UNC5D: variants seen among roughly 807,000 people sequenced by gnomAD.
UNC5D encodes netrin receptor UNC5D.
In UNC5D, 39 loss-of-function variants were observed where a neutral mutation model predicts 105.4. The ratio of observed to expected loss-of-function variants is 0.37; its 90% confidence interval spans 0.29 to 0.48. The LOEUF (loss-of-function observed/expected upper bound fraction) is 0.48, where lower values mean the gene tolerates loss of function less well. Among genes scored for constraint, UNC5D ranks in the 20% least tolerant of loss-of-function variants. The pLI, the probability that UNC5D is intolerant of heterozygous loss-of-function variation, is 0.98. For missense variants in UNC5D, 991 were observed against 1,202.4 expected (o/e 0.82, Z 2.60); for synonymous variants, 452 against 450.4 (o/e 1.00, Z -0.04).
In UNC5D at chr8:35,435,069, G is replaced by A. The variant is rs77028597; in HGVS notation, c.104-114223G>A. ...ATCTTAAACTTGGAAAGACTGTGGA[G>A]TATGGTTTTTTCTGAAGAGGGTTCA... On this transcript the variant is annotated intron_variant, in intron 1 of 16. Transcript: ENST00000404895. Among the ~76,000 whole-genome samples, 1,219 of 152,148 alleles carry A rather than the reference G, an allele frequency of 8.0e-3. 22 individuals are homozygous for A. Among genetic ancestry groups the A allele is most frequent in the African/African-American group, 0.029 (1,190 of 41,542 alleles).
chr8:35,662,548 C>G (rs1021377591), intron 4 of UNC5D, among the ~76,000 whole-genome samples: 1 of 152,102 alleles, frequency 6.6e-6, no homozygotes, highest in Non-Finnish European at 1.5e-5. Context: ...TCGTACAGTT[C>G]CAGGATCATG....
rs34528421 is a variant in UNC5D, at chr8:35,572,804, C to CTT, written c.466+4579_466+4580dup. On this transcript the variant is annotated intron_variant, in intron 3 of 16. Transcript: ENST00000404895. ...GTATGAGGCCTGCAATTTTATATTT[C>CTT]TTTTTTTTTTTTTTTTTGAGATGGA... is the stretch of plus-strand genomic sequence containing the variant. Among the ~76,000 whole-genome samples the CTT allele has an allele frequency of 9.7e-3, 1,319 of 135,834 alleles. 31 individuals are homozygous for CTT. The highest frequency in any genetic ancestry group is 0.032 in the African/African-American group (1,163 of 36,670). 89.1% of individuals were successfully genotyped at this position (135,834 alleles called of 152,430 possible).
chr8:35,609,120 G>T (rs1421571431), intron 4 of UNC5D, among the ~76,000 whole-genome samples: 1 of 152,000 alleles, frequency 6.6e-6, no homozygotes, highest in Non-Finnish European at 1.5e-5. Context: ...TAACACTGTG[G>T]TATTTCATAG....
chr8:35,399,519 AT>A (rs1209165418), intron 1 of UNC5D, among the ~76,000 whole-genome samples: 1 of 152,068 alleles, frequency 6.6e-6, no homozygotes, highest in East Asian at 1.9e-4. Flanking sequence ...CAAGCCACGT[AT>A]TTTCTGCTAT....
chr8:35,417,876 G>A lies in UNC5D; in HGVS notation c.104-131416G>A, dbSNP rs559712474. On this transcript the variant is annotated intron_variant, in intron 1 of 16. Transcript: ENST00000404895. ...TTATGCCAGATACACATATGTAACA[G>A]TATTAAAAGCACAGTATTTGTGTCA... 7.2e-5 allele frequency among the ~76,000 whole-genome samples: 11 copies of A among 152,212 alleles called. No homozygotes were observed. The South Asian group carries it at 1.7e-3, about 23-fold the overall frequency.
intron 1 of UNC5D, among the ~76,000 whole-genome samples, chr8:35,488,485 G>A (rs951772088): frequency 3.0e-4 from 46 of 152,290 alleles, no homozygotes; most frequent in Admixed American, 2.7e-3. Flanking sequence ...CTCCTTCTGG[G>A]CTTTAGCAGT....
At chr8:35,766,672 G>A (rs1801782359) in intron 14 of UNC5D, among the ~76,000 whole-genome samples, 1 of 152,204 alleles carries the variant, frequency 6.6e-6, no homozygotes, top group Non-Finnish European at 1.5e-5. Context: ...GAATTCAAAT[G>A]TTATCAGTTG....
chr8:35,562,242 C>T (rs541534801), intron 2 of UNC5D, among the ~76,000 whole-genome samples: 17 of 152,038 alleles, frequency 1.1e-4, no homozygotes, highest in African/African-American at 2.2e-4. Context: ...TGATATATAC[C>T]GCATTTTCTT....
chr8:35,440,693 A>G (rs2128983438), intron 1 of UNC5D, among the ~76,000 whole-genome samples: 1 of 152,080 alleles, frequency 6.6e-6, no homozygotes, highest in South Asian at 2.1e-4. Context: ...AGACATGAAT[A>G]TTAATACATA....
chr8:35,681,443 C>T (rs1825657709), intron 4 of UNC5D, among the ~76,000 whole-genome samples: 2 of 152,184 alleles, frequency 1.3e-5, no homozygotes, highest in South Asian at 4.1e-4. Flanking sequence ...CTCTGATACT[C>T]AACAGATGTT....
In UNC5D at chr8:35,619,872, T is replaced by C. The variant is rs368214936; in HGVS notation, c.570+24215T>C. ...GCTCTTTTGTTCTTTCTACTGCACCTGTTGCACGGAGATTATGAGAGACAG... is the reference window on the plus strand; with the variant it reads ...GCTCTTTTGTTCTTTCTACTGCACCCGTTGCACGGAGATTATGAGAGACAG... On this transcript the variant is annotated intron_variant, in intron 4 of 16. Transcript: ENST00000404895. Among the ~76,000 whole-genome samples the C allele has an allele frequency of 1.2e-4, 19 of 152,328 alleles. No homozygotes were observed. The East Asian group carries it at 1.9e-3, about 15-fold the overall frequency.
In UNC5D at chr8:35,595,179, A is replaced by C. The variant is rs1421261328; in HGVS notation, c.467-375A>C. ...CAGTTAATAGAAAAAAATCATGTGCATCTCAACTGCATAATAGCTGTGGAT... is the reference window on the plus strand; with the variant it reads ...CAGTTAATAGAAAAAAATCATGTGCCTCTCAACTGCATAATAGCTGTGGAT... On this transcript the variant is annotated intron_variant, in intron 3 of 16. Coordinates refer to ENST00000404895, the MANE Select transcript of UNC5D (RefSeq NM_080872.4). Among the ~76,000 whole-genome samples the C allele has an allele frequency of 7.2e-5, 11 of 152,346 alleles. No individual in the cohort carries two copies. In the South Asian group the frequency reaches 1.2e-3, roughly 17 times the overall value.
intron 1 of UNC5D, among the ~76,000 whole-genome samples, chr8:35,458,426 AT>A (rs1210534227): frequency 6.6e-6 from 1 of 152,082 alleles, no homozygotes; most frequent in Non-Finnish European, 1.5e-5. Context: ...TAGTGCTCCC[AT>A]TTCCTGAGGC....
chr8:35,296,439 G>A (rs1314866301), intron 1 of UNC5D, among the ~76,000 whole-genome samples: 1 of 151,888 alleles, frequency 6.6e-6, no homozygotes, highest in Non-Finnish European at 1.5e-5. Flanking sequence ...TTTTTGTTGA[G>A]ATGGAGTTTT....
intron 2 of UNC5D, among the ~76,000 whole-genome samples, chr8:35,558,388 C>A (rs1478910424): frequency 6.6e-6 from 1 of 151,832 alleles, no homozygotes; most frequent in Non-Finnish European, 1.5e-5. Flanking sequence ...GATAAAAGAC[C>A]AAAATGCCTG....
At chr8:35,684,285 C>G (rs1313329516) in intron 5 of UNC5D, among the ~76,000 whole-genome samples, 1 of 152,142 alleles carries the variant, frequency 6.6e-6, no homozygotes, top group Non-Finnish European at 1.5e-5. Context: ...CTGATATTTT[C>G]TTCTTATACT....
At chr8:35,351,218 C>CT (rs1017233769) in intron 1 of UNC5D, among the ~76,000 whole-genome samples, 2 of 151,886 alleles carry the variant, frequency 1.3e-5, no homozygotes, top group East Asian at 1.9e-4. Context: ...TTGAGACTCA[C>CT]TTTTTTTTCC....
chr8:35,315,435 G>GCTGGGGCAGTGGAGATGA (rs1809222630), intron 1 of UNC5D, among the ~76,000 whole-genome samples: 1 of 152,054 alleles, frequency 6.6e-6, no homozygotes, highest in Non-Finnish European at 1.5e-5. Flanking sequence ...AGTGCAGATG[G>GCTGGGGCAGTGGAGATGA]CTGGGGCAGT....
chr8:35,760,742 T>C (rs1563741712), intron 14 of UNC5D, among the ~76,000 whole-genome samples: 1 of 151,958 alleles, frequency 6.6e-6, no homozygotes, highest in African/African-American at 2.4e-5. Flanking sequence ...TGTAGCGTCC[T>C]CTGCGTTTTG....
Sources: gnomAD v4.1 joint callset for allele counts (sites outside exome capture counted in the v4.1 genomes callset) on GRCh38, gnomAD v4.1.1 for gene constraint, MANE v1.5 for transcripts, NCBI Gene and HGNC (gene_info 2026-07-23, HGNC 2026-07-21) for gene names.